The following CECR2 variants were observed in gnomAD, a reference collection of about 807,000 sequenced individuals.
The protein encoded by CECR2 is chromatin remodeling regulator CECR2.
A neutral mutation model predicts 154.5 loss-of-function variants in CECR2; 30 were observed. The ratio of observed to expected loss-of-function variants is 0.19; its 90% CI spans 0.15 to 0.26. The LOEUF (loss-of-function observed/expected upper bound fraction) is 0.26, where lower values mean the gene tolerates loss of function less well. Among genes scored for constraint, CECR2 ranks in the 10% least tolerant of loss-of-function variants. The probability of loss-of-function intolerance (pLI) is 1.00; values close to 1 mark genes in which losing one functional copy is unlikely to be tolerated. For missense variants in CECR2, 1,743 were observed against 1,829.3 expected (o/e 0.95, Z 0.86); for synonymous variants, 725 against 683.7 (o/e 1.06, Z -0.94).
At position 17,542,849 on chromosome 22, in the gene CECR2, CCACCCCCACCAGCCTGCA is replaced by C; in HGVS notation, c.2714_2731del (p.His905_Pro910del). 1 of 1,613,318 alleles carries C rather than the reference CCACCCCCACCAGCCTGCA, an allele frequency of 6.2e-7. No homozygotes were observed. The highest frequency in any genetic ancestry group is 8.5e-7 in the Non-Finnish European group (1 of 1,179,386). The stretch of plus-strand genomic sequence containing the variant: ...GCGTCTGCCCCCCAGGTGTGCCTTA[CCACCCCCACCAGCCTGCA>C]CACCCCCGTTTACCTGGCCCTTTTC... On this transcript the variant is annotated inframe_deletion, in exon 16 of 19. Coordinates refer to ENST00000262608, the MANE Select transcript of CECR2 (RefSeq NM_001290047.2).
chr22:17,375,160 C>T (rs1372935384), intron 1 of CECR2, among the ~76,000 whole-genome samples: 1 of 152,158 alleles, frequency 6.6e-6, no homozygotes, highest in Non-Finnish European at 1.5e-5. Context: ...GTCGCCCAGG[C>T]TAGAGTGCAG....
At chr22:17,537,406 G>A (rs1247641195) in intron 10 of CECR2, among the ~76,000 whole-genome samples, 174 bp downstream of exon 10, 2 of 152,140 alleles carry the variant, frequency 1.3e-5, no homozygotes, top group African/African-American at 4.8e-5. Flanking sequence ...CCTGGCCTCT[G>A]ACACTCTTGC....
At chr22:17,378,442 G>A (rs2063146533) in intron 1 of CECR2, among the ~76,000 whole-genome samples, 1 of 151,318 alleles carries the variant, frequency 6.6e-6, no homozygotes, top group South Asian at 2.1e-4. Flanking sequence ...GACTACAGGT[G>A]CCCACCACCA....
rs777130710 is a variant in CECR2, at chr22:17,477,555, T to A, written c.127-33T>A. On this transcript the variant is annotated intron_variant, in intron 1 of 18. Coordinates refer to ENST00000262608, the MANE Select transcript of CECR2 (RefSeq NM_001290047.2). ...GTGTGTATTTTAAGAAATCTCTGTT[T>A]GATTTCTCAACTTCCCTCTCTCCCT... 4.2e-6 allele frequency: 6 copies of A among 1,415,980 alleles called. No homozygotes were observed. The African/African-American group carries it at 7.0e-5, about 17-fold the overall frequency. The allele number at this position is 1,415,980 out of a possible 1,614,324, so 87.7% of individuals were successfully genotyped here. A position where few individuals can be genotyped will look rare whatever the true frequency, so the allele number is the denominator to read the frequency against.
At chr22:17,393,716 C>T (rs1412290573) in intron 1 of CECR2, among the ~76,000 whole-genome samples, 1 of 152,130 alleles carries the variant, frequency 6.6e-6, no homozygotes. Flanking sequence ...AGTGGTTTCT[C>T]CACCTGGTCT....
chr22:17,499,506 G>C lies in CECR2; in HGVS notation c.502G>C (p.Asp168His), dbSNP rs751690552. Reference sequence around the variant, plus strand: ...CTATGGAACACGAATGTACAAAGAGGACCCGGTGCAAGGAAAATCCAATGG... The same window carrying C: ...CTATGGAACACGAATGTACAAAGAGCACCCGGTGCAAGGAAAATCCAATGG... The part of the protein sequence containing the change: ...YFYGTRMYKE[D>H]PVQGKSNGEL... The change falls in exon 4 of 19, where the codon GAC (aspartate) becomes CAC (histidine). Residue 168 changes from aspartate (D) to histidine (H), a missense_variant. Physicochemically the swap from Asp to His is moderately conservative, Grantham distance 81 (BLOSUM62 -1). Coordinates refer to ENST00000262608, the MANE Select transcript of CECR2 (RefSeq NM_001290047.2). 1.9e-6 allele frequency: 3 copies of C among 1,613,424 alleles called. No homozygotes were observed. In the Admixed American group the frequency reaches 5.0e-5, roughly 27 times the overall value.
intron 1 of CECR2, among the ~76,000 whole-genome samples, chr22:17,382,054 A>ATT (rs10680101): frequency 6.8e-6 from 1 of 146,128 alleles, no homozygotes; most frequent in Non-Finnish European, 1.5e-5. Context: ...CGCCCTGCTA[A>ATT]TTTTTTTTTT....
chr22:17,486,449 G>A (rs1036073303), intron 2 of CECR2, among the ~76,000 whole-genome samples: 3 of 152,158 alleles, frequency 2.0e-5, no homozygotes, highest in African/African-American at 2.4e-5. Flanking sequence ...TATGTGACAC[G>A]CCACTGGGGG....
chr22:17,445,663 G>A (rs572514059), intron 1 of CECR2, among the ~76,000 whole-genome samples: 1 of 151,584 alleles, frequency 6.6e-6, no homozygotes, highest in Non-Finnish European at 1.5e-5. Context: ...TGCAATCTTG[G>A]CTGACTGCAA....
intron 8 of CECR2, chr22:17,518,804 C>A: frequency 2.9e-6 from 1 of 346,020 alleles, no homozygotes; most frequent in South Asian, 2.8e-5. Context: ...TTTCTTTTTT[C>A]ACCATTGGAT....
At chr22:17,552,773 A>ATTTTTTTTTTTTT in intron 18 of CECR2, 62 bp from the exon 19 acceptor site, 1 of 395,760 alleles carries the variant, frequency 2.5e-6, no homozygotes, top group African/African-American at 6.6e-5. Flanking sequence ...GGCTTACTTA[A>ATTTTTTTTTTTTT]GTTTTTTTTT....
chr22:17,445,163 A>C (rs1038390572), intron 1 of CECR2, among the ~76,000 whole-genome samples: 1 of 152,128 alleles, frequency 6.6e-6, no homozygotes, highest in Non-Finnish European at 1.5e-5. Context: ...TATGTAAGGG[A>C]AGCATTATAC....
At chr22:17,398,878 T>A (rs185991498) in intron 1 of CECR2, among the ~76,000 whole-genome samples, 65 of 152,338 alleles carry the variant, frequency 4.3e-4, no homozygotes, top group Admixed American at 1.3e-3. Flanking sequence ...CAGGGAGGCT[T>A]AGTATAGACT....
intron 1 of CECR2, among the ~76,000 whole-genome samples, chr22:17,395,491 C>G (rs1369119701): frequency 1.3e-5 from 2 of 152,030 alleles, no homozygotes; most frequent in African/African-American, 4.8e-5. Flanking sequence ...ATTACAGGCA[C>G]ACGCCACCAT....
At chr22:17,524,867 A>G (rs774823229) in intron 9 of CECR2, 3 of 398,522 alleles carry the variant, frequency 7.5e-6, no homozygotes, top group South Asian at 3.4e-5. Context: ...GGGTTTTACC[A>G]TGTTGGGCAG....
intron 1 of CECR2, among the ~76,000 whole-genome samples, chr22:17,402,213 G>A (rs2053904717): frequency 6.6e-6 from 1 of 152,110 alleles, no homozygotes. Context: ...TCGAACTCCC[G>A]AGCTCAGGCA....
intron 1 of CECR2, among the ~76,000 whole-genome samples, chr22:17,415,140 A>G (rs184282000): frequency 6.6e-6 from 1 of 152,288 alleles, no homozygotes; most frequent in African/African-American, 2.4e-5. Flanking sequence ...AGTGAATATG[A>G]ACCTTACCTG....
At chr22:17,374,027 A>G (rs2063089770) in intron 1 of CECR2, among the ~76,000 whole-genome samples, 1 of 152,214 alleles carries the variant, frequency 6.6e-6, no homozygotes, top group South Asian at 2.1e-4. Context: ...TCACTTGAGT[A>G]AGGTAAGGGA....
chr22:17,523,006 G>GGGC (rs1601509586), intron 8 of CECR2, among the ~76,000 whole-genome samples: 2 of 150,810 alleles, frequency 1.3e-5, no homozygotes, highest in East Asian at 3.9e-4. Flanking sequence ...CTCCATCTCG[G>GGGC]GGGGAAAAAA....
Sources: allele counts gnomAD v4.1 joint callset (sites outside exome capture counted in the v4.1 genomes callset), GRCh38; gene constraint gnomAD v4.1.1; transcripts MANE v1.5; gene names NCBI Gene and HGNC (gene_info 2026-07-23, HGNC 2026-07-21).